The following CADM2 variants were observed in gnomAD, a reference collection of about 807,000 sequenced individuals.
The protein encoded by CADM2 is immunoglobulin superfamily member 4D.
In CADM2, 12 loss-of-function variants were observed where a neutral mutation model predicts 49.8. The observed-to-expected ratio is 0.24, with a 90% CI of 0.15 to 0.39. The LOEUF (loss-of-function observed/expected upper bound fraction) is 0.39. Among genes scored for constraint, CADM2 ranks in the 10% least tolerant of loss-of-function variants. CADM2 has a pLI of 1.00. For missense variants in CADM2, 378 were observed against 492.3 expected (o/e 0.77, Z 2.20); for synonymous variants, 214 against 175.4 (o/e 1.22, Z -1.74).
At chr3:85,353,251 G>A (rs1023911107) in intron 1 of CADM2, among the ~76,000 whole-genome samples, 2 of 152,000 alleles carry the variant, frequency 1.3e-5, no homozygotes, top group African/African-American at 4.8e-5. Flanking sequence ...AGAGAAACAC[G>A]CAGCAGGAAT....
At chr3:85,279,347 A>G (rs1047362082) in intron 1 of CADM2, among the ~76,000 whole-genome samples, 1 of 151,582 alleles carries the variant, frequency 6.6e-6, no homozygotes, top group African/African-American at 2.4e-5. Context: ...AAAAGTGAAG[A>G]TGTTTAAAGA....
chr3:85,892,520 A>C (rs1464358682), intron 5 of CADM2, among the ~76,000 whole-genome samples: 1 of 152,026 alleles, frequency 6.6e-6, no homozygotes, highest in African/African-American at 2.4e-5. Flanking sequence ...ATAATAGTGA[A>C]TAAGTCTCAT....
intron 1 of CADM2, among the ~76,000 whole-genome samples, chr3:85,443,898 A>T (rs1322488417): frequency 6.6e-6 from 1 of 151,982 alleles, no homozygotes; most frequent in African/African-American, 2.4e-5. Context: ...TCTACTCAGG[A>T]TCTCCTCATA....
At chr3:85,832,548 C>T (rs1246783293) in intron 3 of CADM2, among the ~76,000 whole-genome samples, 1 of 151,700 alleles carries the variant, frequency 6.6e-6, no homozygotes, top group Non-Finnish European at 1.5e-5. Context: ...TAGATCTATT[C>T]CAAGGTATTT....
At chr3:85,090,956 G>A (rs1359826708) in intron 1 of CADM2, among the ~76,000 whole-genome samples, 1 of 152,134 alleles carries the variant, frequency 6.6e-6, no homozygotes. Flanking sequence ...GGGGACCACT[G>A]CTCTAGACTT....
intron 1 of CADM2, among the ~76,000 whole-genome samples, chr3:85,688,694 A>T (rs1343122275): frequency 6.6e-6 from 1 of 151,722 alleles, no homozygotes; most frequent in Non-Finnish European, 1.5e-5. Context: ...CAGCCTCCCA[A>T]GTAGCTGAGA....
At chr3:85,175,118 A>G (rs934926335) in intron 1 of CADM2, among the ~76,000 whole-genome samples, 15 of 152,222 alleles carry the variant, frequency 9.9e-5, no homozygotes, top group Non-Finnish European at 1.8e-4. Context: ...AAAACAATAC[A>G]TAACAAATGA....
chr3:85,988,386 CTT>C (rs1728369356), intron 8 of CADM2, among the ~76,000 whole-genome samples: 2 of 152,154 alleles, frequency 1.3e-5, no homozygotes, highest in South Asian at 4.1e-4. Context: ...TTCTGAATAC[CTT>C]CTGAAATATG....
intron 8 of CADM2, among the ~76,000 whole-genome samples, chr3:86,058,910 C>A (rs958911638): frequency 6.6e-6 from 1 of 151,700 alleles, no homozygotes; most frequent in Non-Finnish European, 1.5e-5. Flanking sequence ...CCTGGTCAAC[C>A]TGGTGAAACC....
At chr3:85,693,755 G>T (rs75803936) in intron 1 of CADM2, among the ~76,000 whole-genome samples, 8,526 of 142,666 alleles carry the variant, frequency 0.06, 707 homozygotes, top group African/African-American at 0.19. Flanking sequence ...AATTAGCCAG[G>T]TGTGGTGGTG....
intron 1 of CADM2, among the ~76,000 whole-genome samples, chr3:85,576,477 T>C (rs1379138946): frequency 6.6e-6 from 1 of 152,184 alleles, no homozygotes; most frequent in Non-Finnish European, 1.5e-5. Flanking sequence ...AAAGCAGTGC[T>C]TCCCAAAGTC....
At chr3:85,075,388 A>G (rs757466617) in intron 1 of CADM2, among the ~76,000 whole-genome samples, 4 of 152,164 alleles carry the variant, frequency 2.6e-5, no homozygotes, top group Non-Finnish European at 5.9e-5. Flanking sequence ...ACTATCTTCA[A>G]TTAGGAAGTC....
intron 1 of CADM2, among the ~76,000 whole-genome samples, chr3:85,174,068 T>A (rs2040709186): frequency 6.6e-6 from 1 of 152,126 alleles, no homozygotes; most frequent in South Asian, 2.1e-4. Flanking sequence ...CTTGTTTATC[T>A]TTGAAAATGC....
At position 85,991,810 on chromosome 3, in the gene CADM2, G is replaced by A. The variant is rs549995363; in HGVS notation, c.970+30163G>A. 1.2e-3 allele frequency among the ~76,000 whole-genome samples: 178 copies of A among 151,938 alleles called. 1 individual carries two copies. Among genetic ancestry groups the A allele is most frequent in the African/African-American group, 3.7e-3 (155 of 41,478 alleles). Reference sequence around the variant, plus strand: ...ATTAATATTAATTGATACCATTTTCGTGTTAAAATATATTTCATTATCATT... The same window carrying A: ...ATTAATATTAATTGATACCATTTTCATGTTAAAATATATTTCATTATCATT... On this transcript the variant is annotated intron_variant, in intron 8 of 9. Coordinates refer to ENST00000383699, the MANE Select transcript of CADM2 (RefSeq NM_001167675.2).
intron 8 of CADM2, chr3:86,012,626 A>G (rs952339933): frequency 1.1e-5 from 18 of 1,578,496 alleles, no homozygotes; most frequent in Non-Finnish European, 1.5e-5. Context: ...GGCCTTCTTC[A>G]GGTTCCCGCG....
chr3:85,575,227 A>G (rs2062596284), intron 1 of CADM2, among the ~76,000 whole-genome samples: 1 of 152,184 alleles, frequency 6.6e-6, no homozygotes, highest in Non-Finnish European at 1.5e-5. Flanking sequence ...ATCTTCAATG[A>G]AAATGCATGA....
chr3:85,963,507 T>C (rs929183450), intron 8 of CADM2, among the ~76,000 whole-genome samples: 4 of 151,906 alleles, frequency 2.6e-5, no homozygotes, highest in Non-Finnish European at 5.9e-5. Flanking sequence ...AAGTGTAGTC[T>C]ATCTGATTCA....
chr3:85,734,534 C>A (rs2068054368), intron 2 of CADM2, among the ~76,000 whole-genome samples: 1 of 139,814 alleles, frequency 7.2e-6, no homozygotes, highest in Non-Finnish European at 1.6e-5. Flanking sequence ...CATACACACA[C>A]ATACATATAT....
intron 1 of CADM2, among the ~76,000 whole-genome samples, chr3:85,635,022 A>G (rs2064422190): frequency 1.3e-5 from 2 of 152,110 alleles, no homozygotes; most frequent in Admixed American, 6.5e-5. Flanking sequence ...AAACCAAATT[A>G]TTTGATCCAT....
Sources: gnomAD v4.1 joint callset for allele counts (sites outside exome capture counted in the v4.1 genomes callset) on GRCh38, gnomAD v4.1.1 for gene constraint, MANE v1.5 for transcripts, NCBI Gene and HGNC (gene_info 2026-07-23, HGNC 2026-07-21) for gene names.